Variants in ANO2 observed in about 807,000 individuals in gnomAD.
ANO2 encodes the protein anoctamin-2.
In ANO2, 101 loss-of-function variants were observed where a neutral mutation model predicts 124.2. The ratio of observed to expected loss-of-function variants is 0.81; its 90% CI spans 0.69 to 0.96. ANO2 has a LOEUF of 0.96. Among genes scored for constraint, ANO2 ranks in the 40% least tolerant of loss-of-function variants. The probability of loss-of-function intolerance (pLI) is 0.00; values close to 1 mark genes in which losing one functional copy is unlikely to be tolerated. For synonymous variants in ANO2, 486 were observed against 482.5 expected (o/e 1.01, Z -0.09); for missense variants, 1,293 against 1,274.5 (o/e 1.01, Z -0.22).
In ANO2 at chr12:5,893,688, T is replaced by C. The variant is rs148919894; in HGVS notation, c.534+27352A>G. Reference sequence around the variant, plus strand: ...CCAGTGTGTGATGTTCCCCTCCCTGTGCCCATGTATTCTCATTGTTCAACT... The same window carrying C: ...CCAGTGTGTGATGTTCCCCTCCCTGCGCCCATGTATTCTCATTGTTCAACT... On this transcript the variant is annotated intron_variant, in intron 3 of 24. Coordinates refer to ENST00000682330, the MANE Select transcript of ANO2 (RefSeq NM_001364791.2). Among the ~76,000 whole-genome samples, 810 of 151,772 alleles carry C rather than the reference T, an allele frequency of 5.3e-3. 6 individuals are homozygous for C. Among genetic ancestry groups the C allele is most frequent in the African/African-American group, 0.019 (786 of 41,368 alleles).
chr12:5,674,638 C>T (rs1591872310), intron 14 of ANO2, among the ~76,000 whole-genome samples: 2 of 152,302 alleles, frequency 1.3e-5, no homozygotes, highest in East Asian at 3.9e-4. Flanking sequence ...TCACAGAGCT[C>T]CTCAGGTGTC....
At chr12:5,715,672 G>A (rs1014576750) in intron 14 of ANO2, among the ~76,000 whole-genome samples, 10 of 152,276 alleles carry the variant, frequency 6.6e-5, no homozygotes, top group Admixed American at 2.0e-4. Flanking sequence ...GTGATTAAGC[G>A]GTGACAAAAA....
chr12:5,578,683 T>C (rs900110217), intron 20 of ANO2, among the ~76,000 whole-genome samples, 165 bp from the exon 21 acceptor site: 5 of 152,198 alleles, frequency 3.3e-5, no homozygotes, highest in Non-Finnish European at 7.3e-5. Context: ...GGTATTTCTT[T>C]CTAAGTACCT....
intron 14 of ANO2, among the ~76,000 whole-genome samples, chr12:5,693,245 A>G (rs1228378824): frequency 1.3e-5 from 2 of 152,124 alleles, no homozygotes; most frequent in African/African-American, 4.8e-5. Context: ...GCTGTCACAA[A>G]TGTCACATGT....
intron 19 of ANO2, among the ~76,000 whole-genome samples, chr12:5,603,116 G>A (rs1330683554): frequency 6.6e-6 from 1 of 152,136 alleles, no homozygotes; most frequent in Non-Finnish European, 1.5e-5. Flanking sequence ...AAGAAAGAAG[G>A]TATTGAAGCA....
chr12:5,652,099 C>T (rs1380682194), intron 14 of ANO2, among the ~76,000 whole-genome samples: 2 of 152,150 alleles, frequency 1.3e-5, no homozygotes, highest in African/African-American at 2.4e-5. Flanking sequence ...GTTTTCATTT[C>T]CCTTGGATAA....
chr12:5,638,715 T>C (rs1293936019), intron 15 of ANO2, among the ~76,000 whole-genome samples: 2 of 152,022 alleles, frequency 1.3e-5, no homozygotes, highest in African/African-American at 4.8e-5. Flanking sequence ...CCCGTAGAAC[T>C]GGTTTGGTAA....
Position 5,850,626 on chromosome 12 carries a change from G to A in ANO2, c.633+3417C>T, listed in dbSNP as rs568658350. Among the ~76,000 whole-genome samples the A allele has an allele frequency of 9.2e-5, 14 of 152,166 alleles. 2 individuals carry two copies. Among genetic ancestry groups the A allele is most frequent in the African/African-American group, 3.4e-4 (14 of 41,506 alleles). On this transcript the variant is annotated intron_variant, in intron 4 of 24. Coordinates refer to ENST00000682330, the MANE Select transcript of ANO2 (RefSeq NM_001364791.2). The stretch of plus-strand genomic sequence containing the variant: ...CATTGACAAACAGAATTGGTGCTGG[G>A]CTAATGAGTTACTACTTGACACAGT...
chr12:5,672,174 T>C (rs889075990), intron 14 of ANO2, among the ~76,000 whole-genome samples: 27 of 152,166 alleles, frequency 1.8e-4, no homozygotes, highest in African/African-American at 6.5e-4. Flanking sequence ...TGCCAAGGTT[T>C]TTCACAGAGC....
chr12:5,694,869 G>A (rs1226648848), intron 14 of ANO2, among the ~76,000 whole-genome samples: 6 of 152,016 alleles, frequency 3.9e-5, no homozygotes, highest in African/African-American at 4.8e-5. Context: ...GCCACTTACC[G>A]TTTGTGAGCC....
intron 14 of ANO2, among the ~76,000 whole-genome samples, chr12:5,649,790 ATGTGTG>A (rs5796179): frequency 1.1e-3 from 164 of 149,438 alleles, no homozygotes; most frequent in Admixed American, 2.7e-3. Context: ...GCATGTGTGC[ATGTGTG>A]TGTGTGTGTG....
intron 14 of ANO2, among the ~76,000 whole-genome samples, chr12:5,690,220 C>T (rs1864941183): frequency 6.6e-6 from 1 of 152,170 alleles, no homozygotes; most frequent in Admixed American, 6.5e-5. Flanking sequence ...TGGCAAAGTT[C>T]TCAAAAGAAA....
rs1308311042 is a variant in ANO2, at chr12:5,921,219, G to T, written c.355C>A (p.Pro119Thr). The T allele has an allele frequency of 6.2e-7, 1 of 1,613,848 alleles. No homozygotes were observed. The highest frequency in any genetic ancestry group is 8.5e-7 in the Non-Finnish European group (1 of 1,179,874). ...GAGACGATAGCCAGCGAGTGGCCAG[G>T]GAAGCCTTGGGCCAGGTGCACCCCG... ...KRGVHLAQGF[P>T]GHSLAIVSNG... Residue 119 changes from proline to threonine, a missense_variant, in exon 3 of 25, where the codon CCT becomes ACT. Physicochemically the swap from Pro to Thr is conservative, Grantham distance 38. Transcript: ENST00000682330.
At chr12:5,834,512 T>C (rs1418566123) in intron 4 of ANO2, among the ~76,000 whole-genome samples, 2 of 152,056 alleles carry the variant, frequency 1.3e-5, no homozygotes, top group Non-Finnish European at 2.9e-5. Context: ...GTTGAGGGAG[T>C]AGCATTTCAG....
chr12:5,724,363 C>A (rs1044589018), intron 14 of ANO2, among the ~76,000 whole-genome samples: 5 of 152,132 alleles, frequency 3.3e-5, no homozygotes, highest in Admixed American at 3.3e-4. Flanking sequence ...GAGGGAACTT[C>A]ATCTACTCAA....
chr12:5,806,133 T>C (rs1953184698), intron 8 of ANO2, 40 bp from the exon 9 acceptor site: 1 of 1,590,676 alleles, frequency 6.3e-7, no homozygotes, highest in Non-Finnish European at 8.6e-7. Context: ...CCAATGAAAT[T>C]ACCAGAAGCA....
At chr12:5,891,981 T>C (rs1565754911) in intron 3 of ANO2, among the ~76,000 whole-genome samples, 3 of 152,066 alleles carry the variant, frequency 2.0e-5, no homozygotes, top group Non-Finnish European at 4.4e-5. Context: ...ATTGGACTTA[T>C]CTGACCAATG....
Position 5,647,917 on chromosome 12 carries a change from T to A in ANO2, c.1546-116A>T. The A allele has an allele frequency of 5.2e-6, 4 of 762,282 alleles. 1 individual carries two copies. In the South Asian group the frequency reaches 6.6e-5, roughly 13 times the overall value. The allele number at this position is 762,282 out of a possible 1,614,324, so 47.2% of individuals were successfully genotyped here. A position where few individuals can be genotyped will look rare whatever the true frequency, so the allele number is the denominator to read the frequency against. On this transcript the variant is annotated intron_variant, in intron 14 of 24. Coordinates refer to ENST00000682330, the MANE Select transcript of ANO2 (RefSeq NM_001364791.2). Reference sequence around the variant, plus strand: ...TCATTATCACTCTATATAGATATATTTCTAGTCACTGATGCCTTACTCTCC... The same window carrying A: ...TCATTATCACTCTATATAGATATATATCTAGTCACTGATGCCTTACTCTCC...
intron 13 of ANO2, among the ~76,000 whole-genome samples, chr12:5,736,764 T>C (rs1414713524): frequency 1.3e-5 from 2 of 152,174 alleles, no homozygotes; most frequent in Non-Finnish European, 2.9e-5. Context: ...CACTGCATAC[T>C]GAGCCCTGTC....
Sources: gnomAD v4.1 joint callset for allele counts (sites outside exome capture counted in the v4.1 genomes callset) on GRCh38, gnomAD v4.1.1 for gene constraint, MANE v1.5 for transcripts, NCBI Gene and HGNC (gene_info 2026-07-23, HGNC 2026-07-21) for gene names.